The following SLC8B1 variants were observed in gnomAD, a reference collection of about 807,000 sequenced individuals.
SLC8B1 encodes the protein solute carrier family 8 member B1, also known as mitochondrial sodium/calcium exchanger protein.
A neutral mutation model predicts 63.4 loss-of-function variants in SLC8B1; 52 were observed. The ratio of observed to expected loss-of-function variants is 0.82; its 90% CI spans 0.66 to 1.03. The LOEUF is 1.03. Ranked by LOEUF, SLC8B1 falls within the 50% of genes least tolerant of loss-of-function variation. The pLI is 0.00. For synonymous variants in SLC8B1, 336 were observed against 323.9 expected (o/e 1.04, Z -0.40); for missense variants, 657 against 741.7 (o/e 0.89, Z 1.33).
Position 113,321,298 on chromosome 12 carries a change from C to T in SLC8B1, c.207G>A (p.Arg69=). Residue 69 remains arginine, a synonymous_variant, in exon 3 of 16, where the codon CGG becomes CGA. Transcript: ENST00000680972. ...CATCACTGTGGCAGTCAGGGTTGGT[C>T]CGGATGAAGTCACAGCGGTCAGAGA... ...LNVSDRCDFI[R]TNPDCHSDGG... 1.2e-6 allele frequency: 2 copies of T among 1,614,096 alleles called. No individual in the cohort carries two copies. The highest frequency in any genetic ancestry group is 1.7e-6 in the Non-Finnish European group (2 of 1,180,012).
At position 113,320,237 on chromosome 12, in the gene SLC8B1, C is replaced by T; in HGVS notation, c.694+94G>A. The stretch of plus-strand genomic sequence containing the variant: ...ACTTGTAATCAAATCAAAGCCCCCA[C>T]TGACCACCCCTCACACCTCTCTGTC... On this transcript the variant is annotated intron_variant, in intron 7 of 15. Transcript: ENST00000680972. This position sits in a 1 kb window ranked among gnomAD's most constrained non-coding sequence, Gnocchi z 5.3. 3 of 1,438,012 alleles carry T rather than the reference C, an allele frequency of 2.1e-6. No individual in the cohort carries two copies. The highest frequency in any genetic ancestry group is 1.3e-5 in the South Asian group (1 of 74,396). 89.1% of individuals were successfully genotyped at this position (1,438,012 alleles called of 1,614,324 possible). A position where few individuals can be genotyped will look rare whatever the true frequency, so the allele number is the denominator to read the frequency against.
chr12:113,317,008 G>A lies in SLC8B1; in HGVS notation c.803-7C>T. The A allele has an allele frequency of 6.2e-7, 1 of 1,611,678 alleles. No homozygotes were observed. The highest frequency in any genetic ancestry group is 8.5e-7 in the Non-Finnish European group (1 of 1,179,146). On this transcript the variant is annotated splice_polypyrimidine_tract_variant and splice_region_variant and intron_variant, in intron 8 of 15. Transcript: ENST00000680972. ...TCGGAGTCTGAGAGGATCTCTGCAG[G>A]AGAGAGGCCCAGTTACATACAGAAC...
At chr12:113,326,692 T>C (rs1290450903) in intron 2 of SLC8B1, among the ~76,000 whole-genome samples, 2 of 151,842 alleles carry the variant, frequency 1.3e-5, no homozygotes, top group Non-Finnish European at 2.9e-5. Flanking sequence ...TCTTTTTTTT[T>C]TTTTGAGACA....
intron 2 of SLC8B1, among the ~76,000 whole-genome samples, chr12:113,321,965 G>A (rs1956938250): frequency 1.3e-5 from 2 of 152,018 alleles, no homozygotes; most frequent in South Asian, 2.1e-4. Context: ...GGTTGAGGTG[G>A]GAGGATTGCT....
chr12:113,319,675 AAAT>A (rs1956892901), intron 7 of SLC8B1, among the ~76,000 whole-genome samples: 1 of 152,040 alleles, frequency 6.6e-6, no homozygotes. Flanking sequence ...CCTTCTGTAC[AAAT>A]TGTCCCTCCA....
intron 2 of SLC8B1, among the ~76,000 whole-genome samples, chr12:113,332,391 G>C (rs1957068428): frequency 6.6e-6 from 1 of 152,028 alleles, no homozygotes; most frequent in Non-Finnish European, 1.5e-5. Context: ...CCTGCCTCAG[G>C]GTTCTGATGA....
chr12:113,323,833 C>T (rs1414110074), intron 2 of SLC8B1, among the ~76,000 whole-genome samples: 1 of 152,162 alleles, frequency 6.6e-6, no homozygotes, highest in Non-Finnish European at 1.5e-5. Context: ...TCTGAACTCC[C>T]ACTAACACCA....
chr12:113,301,199 C>CA (rs1956582395), intron 15 of SLC8B1, among the ~76,000 whole-genome samples: 1 of 151,888 alleles, frequency 6.6e-6, no homozygotes, highest in South Asian at 2.1e-4. Flanking sequence ...CATGGACAAA[C>CA]AGACAACAAA....
intron 8 of SLC8B1, among the ~76,000 whole-genome samples, chr12:113,318,098 G>A (rs545013824): frequency 3.5e-4 from 53 of 152,226 alleles, no homozygotes; most frequent in African/African-American, 1.1e-3. Context: ...GTATGTGTGC[G>A]CATGTTTGTA....
At chr12:113,326,888 AT>A (rs1957003359) in intron 2 of SLC8B1, among the ~76,000 whole-genome samples, 1 of 152,076 alleles carries the variant, frequency 6.6e-6, no homozygotes, top group East Asian at 1.9e-4. Context: ...GGCTGGAGTG[AT>A]GGTGTGCACA....
intron 10 of SLC8B1, among the ~76,000 whole-genome samples, chr12:113,316,067 A>T (rs1214117548): frequency 6.6e-6 from 1 of 152,126 alleles, no homozygotes; most frequent in Non-Finnish European, 1.5e-5. Flanking sequence ...TACTAAAAAT[A>T]CAAAAAATTA....
At chr12:113,318,901 C>T (rs2288364) in intron 8 of SLC8B1, 63 bp downstream of exon 8, 4 of 1,345,218 alleles carry the variant, frequency 3.0e-6, no homozygotes, top group African/African-American at 1.4e-5. Context: ...CTGGGCAGCA[C>T]TGAAGGGCAC....
Position 113,305,592 on chromosome 12 carries a change from T to C in SLC8B1, c.1492+903A>G, listed in dbSNP as rs1023944995. ...CCGTCTTTTCTATATAGACCAAAAG[T>C]TGGCAAACATCAGCCCTCCGGCCAA... On this transcript the variant is annotated intron_variant, in intron 14 of 15. Coordinates refer to ENST00000680972, the MANE Select transcript of SLC8B1 (RefSeq NM_001358345.2). The surrounding 1 kb of genome is among the most constrained non-coding windows in gnomAD (Gnocchi z 4.3). 3.9e-5 allele frequency among the ~76,000 whole-genome samples: 6 copies of C among 152,222 alleles called. No homozygotes were observed. Among genetic ancestry groups the C allele is most frequent in the Admixed American group, 1.3e-4 (2 of 15,282 alleles).
intron 8 of SLC8B1, among the ~76,000 whole-genome samples, chr12:113,317,556 C>A (rs1956850376): frequency 1.3e-5 from 2 of 152,162 alleles, no homozygotes; most frequent in South Asian, 4.1e-4. Flanking sequence ...TTATTGACTT[C>A]AGTGTTGTCC....
chr12:113,309,226 T>TGCGATCTCATCTCACTGCAAC, intron 12 of SLC8B1, among the ~76,000 whole-genome samples: 1 of 149,876 alleles, frequency 6.7e-6, no homozygotes, highest in Admixed American at 6.7e-5. Context: ...TGAAGTGCCA[T>TGCGATCTCATCTCACTGCAAC]GATGCGATCT....
chr12:113,308,899 G>C (rs1956716383), intron 12 of SLC8B1: 1 of 152,158 alleles, frequency 6.6e-6, no homozygotes, highest in African/African-American at 2.4e-5. Flanking sequence ...TGTTGCCCAG[G>C]CTGGAATGCA....
At chr12:113,318,106 G>A (rs1237414343) in intron 8 of SLC8B1, among the ~76,000 whole-genome samples, 1 of 152,130 alleles carries the variant, frequency 6.6e-6, no homozygotes, top group Non-Finnish European at 1.5e-5. Context: ...GCGCATGTTT[G>A]TATAAGTGTG....
chr12:113,311,719 TTTTAG>T (rs78144409), intron 11 of SLC8B1, among the ~76,000 whole-genome samples: 5 of 149,892 alleles, frequency 3.3e-5, no homozygotes, highest in African/African-American at 1.2e-4. Flanking sequence ...TTTTTTTTTT[TTTTAG>T]ACAGGGTCTC....
At chr12:113,318,376 T>C (rs1016625180) in intron 8 of SLC8B1, among the ~76,000 whole-genome samples, 1 of 151,862 alleles carries the variant, frequency 6.6e-6, no homozygotes, top group African/African-American at 2.4e-5. Context: ...GTTGTGTGTG[T>C]TGTATATGTG....
Sources: allele counts gnomAD v4.1 joint callset (sites outside exome capture counted in the v4.1 genomes callset), GRCh38; gene constraint gnomAD v4.1.1; non-coding constraint Gnocchi (gnomAD v3.1); transcripts MANE v1.5; gene names NCBI Gene and HGNC (gene_info 2026-07-23, HGNC 2026-07-21).